Variants in VTI1A observed in about 807,000 individuals in gnomAD.
The protein encoded by VTI1A is vesicle transport through interaction with t-SNAREs 1A, also known as vesicle transport through interaction with t-SNAREs homolog 1A.
VTI1A carries 22 observed loss-of-function variants against 34.9 expected under a neutral mutation model. The observed-to-expected ratio is 0.63, with a 90% confidence interval of 0.45 to 0.90. The LOEUF is 0.90. Ranked by LOEUF, VTI1A falls within the 40% of genes least tolerant of loss-of-function variation. The pLI, the probability that VTI1A is intolerant of heterozygous loss-of-function variation, is 0.00. For synonymous variants in VTI1A, 87 were observed against 97.3 expected (o/e 0.89, Z 0.62); for missense variants, 268 against 275.6 (o/e 0.97, Z 0.20).
intron 3 of VTI1A, among the ~76,000 whole-genome samples, chr10:112,518,585 C>CTA (rs1197557812): frequency 9.6e-4 from 85 of 88,820 alleles, no homozygotes; most frequent in South Asian, 2.1e-3. Context: ...CTCTCTCTCT[C>CTA]TCTCTATATA....
chr10:112,594,300 A>G (rs1027062125), intron 5 of VTI1A, among the ~76,000 whole-genome samples: 1 of 152,108 alleles, frequency 6.6e-6, no homozygotes, highest in Non-Finnish European at 1.5e-5. Flanking sequence ...TTTAATATGG[A>G]TCCTTTTTTA....
intron 7 of VTI1A, among the ~76,000 whole-genome samples, chr10:112,773,172 T>C (rs1255355971): frequency 6.6e-6 from 1 of 152,248 alleles, no homozygotes; most frequent in Non-Finnish European, 1.5e-5. Context: ...TTGGTGACTG[T>C]TGTGACATTA....
intron 7 of VTI1A, among the ~76,000 whole-genome samples, chr10:112,681,959 A>G (rs968576889): frequency 6.6e-6 from 1 of 152,206 alleles, no homozygotes; most frequent in African/African-American, 2.4e-5. Context: ...ATGGGCTTAT[A>G]GAAATTTAGT....
chr10:112,691,044 G>A (rs1848595239), intron 7 of VTI1A, among the ~76,000 whole-genome samples: 2 of 152,024 alleles, frequency 1.3e-5, no homozygotes, highest in Non-Finnish European at 1.5e-5. Flanking sequence ...AAGGCAGGCG[G>A]ATCATTTGAG....
chr10:112,719,503 G>T (rs7342028), intron 7 of VTI1A, among the ~76,000 whole-genome samples: 51,202 of 151,500 alleles, frequency 0.34, 10,082 homozygotes, highest in African/African-American at 0.54. Flanking sequence ...TAGCTGTTAG[G>T]ATATTCACTG....
At chr10:112,776,677 ATT>A (rs1161945456) in intron 7 of VTI1A, among the ~76,000 whole-genome samples, 18 of 131,262 alleles carry the variant, frequency 1.4e-4, no homozygotes, top group Admixed American at 1.6e-4. Context: ...GGCTGACTTA[ATT>A]TTTTTTTTTT....
chr10:112,763,396 G>A (rs545163538), intron 7 of VTI1A, among the ~76,000 whole-genome samples: 5 of 147,452 alleles, frequency 3.4e-5, no homozygotes, highest in African/African-American at 7.6e-5. Context: ...CAGAGATCAC[G>A]CCACTGCACT....
At chr10:112,561,266 T>G (rs1293738466) in intron 5 of VTI1A, among the ~76,000 whole-genome samples, 1 of 152,216 alleles carries the variant, frequency 6.6e-6, no homozygotes, top group East Asian at 1.9e-4. Flanking sequence ...TTATTGAGCT[T>G]TGTTTCTTTT....
At chr10:112,732,776 T>C (rs1192236716) in intron 7 of VTI1A, among the ~76,000 whole-genome samples, 1 of 152,208 alleles carries the variant, frequency 6.6e-6, no homozygotes, top group Admixed American at 6.5e-5. Flanking sequence ...ATGACCAATA[T>C]GAATGCCAGA....
chr10:112,545,993 C>T (rs141285089), intron 5 of VTI1A, among the ~76,000 whole-genome samples: 1 of 140,368 alleles, frequency 7.1e-6, no homozygotes, highest in African/African-American at 3.0e-5. Context: ...TGTGTATATA[C>T]GTGTATACGC....
At chr10:112,745,671 T>C (rs865988159) in intron 7 of VTI1A, among the ~76,000 whole-genome samples, 9 of 152,228 alleles carry the variant, frequency 5.9e-5, no homozygotes, top group Admixed American at 1.3e-4. Context: ...GCCACACCGA[T>C]GCTGTCCAAC....
At chr10:112,563,271 G>A (rs1851791349) in intron 5 of VTI1A, among the ~76,000 whole-genome samples, 1 of 152,040 alleles carries the variant, frequency 6.6e-6, no homozygotes, top group Non-Finnish European at 1.5e-5. Context: ...CTTGAACTAC[G>A]GTAGCTAAGG....
chr10:112,855,182 C>T, the VTI1A span, among the ~76,000 whole-genome samples: 1 of 152,158 alleles, frequency 6.6e-6, no homozygotes, highest in South Asian at 2.1e-4. Context: ...GTTGAACTTC[C>T]TATTTTGTCA....
chr10:112,512,201 C>T (rs1045919960), intron 3 of VTI1A, among the ~76,000 whole-genome samples: 1 of 152,154 alleles, frequency 6.6e-6, no homozygotes, highest in Non-Finnish European at 1.5e-5. Context: ...CTTTTCTCAG[C>T]ATCCTCACCA....
chr10:112,794,085 T>C (rs192473804), intron 7 of VTI1A, among the ~76,000 whole-genome samples: 89 of 152,332 alleles, frequency 5.8e-4, no homozygotes, highest in African/African-American at 2.1e-3. Context: ...GAATTTATTT[T>C]ACAGTTTTAT....
At chr10:112,519,127 G>A (rs538515847) in intron 3 of VTI1A, among the ~76,000 whole-genome samples, 2 of 152,158 alleles carry the variant, frequency 1.3e-5, no homozygotes, top group Non-Finnish European at 1.5e-5. Flanking sequence ...CGCAACATGG[G>A]TCCAAAAGTA....
At chr10:112,539,153 A>T (rs1313334732) in intron 5 of VTI1A, among the ~76,000 whole-genome samples, 4 of 152,186 alleles carry the variant, frequency 2.6e-5, no homozygotes, top group African/African-American at 9.7e-5. Flanking sequence ...ATTGTAAATA[A>T]TCTATTTTGT....
intron 7 of VTI1A, among the ~76,000 whole-genome samples, chr10:112,693,259 T>G (rs1294971383): frequency 6.6e-6 from 1 of 152,208 alleles, no homozygotes; most frequent in Non-Finnish European, 1.5e-5. Flanking sequence ...TAAAAATAAC[T>G]TAACTGGCGG....
At chr10:112,536,594 T>G (rs1850623595) in intron 4 of VTI1A, among the ~76,000 whole-genome samples, 1 of 152,096 alleles carries the variant, frequency 6.6e-6, no homozygotes, top group African/African-American at 2.4e-5. Flanking sequence ...TTATATTTTT[T>G]TTTTGCAGAG....
Sources: gnomAD v4.1 joint callset for allele counts (sites outside exome capture counted in the v4.1 genomes callset) on GRCh38, gnomAD v4.1.1 for gene constraint, MANE v1.5 for transcripts, NCBI Gene and HGNC (gene_info 2026-07-23, HGNC 2026-07-21) for gene names.